ABCB5: variants seen among roughly 807,000 people sequenced by gnomAD.
The protein encoded by ABCB5 is ATP binding cassette subfamily B member 5.
A neutral mutation model predicts 144.2 loss-of-function variants in ABCB5; 155 were observed. The observed-to-expected ratio is 1.08, with a 90% CI of 0.94 to 1.23. ABCB5 has a LOEUF of 1.23. Among genes scored for constraint, ABCB5 ranks in the 50% most tolerant of loss-of-function variants. The pLI is 0.00. For synonymous variants in ABCB5, 610 were observed against 528.6 expected, an observed-to-expected ratio of 1.15 and a Z score of -2.11; for missense variants, 1,830 against 1,520.8, an observed-to-expected ratio of 1.20 and a Z score of -3.38.
intron 15 of ABCB5, among the ~76,000 whole-genome samples, chr7:20,682,564 C>T (rs1228372424): frequency 6.6e-6 from 1 of 152,236 alleles, no homozygotes; most frequent in Non-Finnish European, 1.5e-5. Context: ...TCCTTAAGTA[C>T]TTATGAGTGT....
chr7:20,676,120 A>G (rs928574861), intron 14 of ABCB5, among the ~76,000 whole-genome samples: 1 of 151,872 alleles, frequency 6.6e-6, no homozygotes, highest in Non-Finnish European at 1.5e-5. Context: ...GGTTCCAGAA[A>G]TAATTAAAAA....
chr7:20,675,623 CA>C (rs1785575631), intron 14 of ABCB5, among the ~76,000 whole-genome samples: 1 of 151,332 alleles, frequency 6.6e-6, no homozygotes, highest in African/African-American at 2.4e-5. Context: ...GATATGATGC[CA>C]AAAACACAAA....
At chr7:20,691,910 A>C (rs1786244631) in intron 16 of ABCB5, among the ~76,000 whole-genome samples, 1 of 152,120 alleles carries the variant, frequency 6.6e-6, no homozygotes, top group Non-Finnish European at 1.5e-5. Flanking sequence ...CCAGGCAAGC[A>C]AAAAAGGAGA....
At chr7:20,715,557 C>T (rs1053037776) in intron 20 of ABCB5, among the ~76,000 whole-genome samples, 3 of 151,780 alleles carry the variant, frequency 2.0e-5, no homozygotes, top group Admixed American at 2.0e-4. Context: ...ACCAGGTGCA[C>T]GCCACTGTGC....
At chr7:20,675,122 T>C (rs1331760398) in intron 14 of ABCB5, among the ~76,000 whole-genome samples, 2 of 151,920 alleles carry the variant, frequency 1.3e-5, no homozygotes, top group African/African-American at 4.8e-5. Context: ...CAATGGCATA[T>C]TTTACAGAAA....
At chr7:20,644,474 C>G (rs962498417) in intron 7 of ABCB5, among the ~76,000 whole-genome samples, 1 of 152,156 alleles carries the variant, frequency 6.6e-6, no homozygotes, top group African/African-American at 2.4e-5. Flanking sequence ...GTTTTTTAAA[C>G]AAATTATGTA....
chr7:20,738,956 A>C, intron 23 of ABCB5, 27 bp from the exon 24 acceptor site: 1 of 1,554,416 alleles, frequency 6.4e-7, no homozygotes, highest in East Asian at 2.3e-5. Flanking sequence ...GATGGACCTA[A>C]GATTCAAATG....
Position 20,650,213 on chromosome 7 carries a change from C to A in ABCB5, c.1332+66C>A, listed in dbSNP as rs940193488. 1.9e-6 allele frequency: 3 copies of A among 1,566,016 alleles called. No individual in the cohort carries two copies. The African/African-American group carries it at 4.1e-5, about 21-fold the overall frequency. ...GAATCTGGAAACACCGCAGGGCTGG[C>A]AGCTCTGTAACTTTTCATTTTCAAC... On this transcript the variant is annotated intron_variant, in intron 12 of 27. Transcript: ENST00000404938.
At chr7:20,739,412 G>A (rs761983653) in intron 24 of ABCB5, among the ~76,000 whole-genome samples, 36 of 152,010 alleles carry the variant, frequency 2.4e-4, no homozygotes, top group Non-Finnish European at 4.7e-4. Context: ...AAAAATAAAT[G>A]TCCACTTATT....
At chr7:20,687,083 G>T (rs1240931015) in intron 16 of ABCB5, among the ~76,000 whole-genome samples, 1 of 152,016 alleles carries the variant, frequency 6.6e-6, no homozygotes, top group African/African-American at 2.4e-5. Flanking sequence ...GGTATAGATG[G>T]TATACCATAT....
chr7:20,751,391 A>G (rs908100157), intron 26 of ABCB5, among the ~76,000 whole-genome samples: 6 of 152,200 alleles, frequency 3.9e-5, no homozygotes, highest in Non-Finnish European at 8.8e-5. Context: ...GAATGGCGTG[A>G]ACCCGGGAAG....
chr7:20,702,750 C>T (rs962169935), intron 19 of ABCB5, among the ~76,000 whole-genome samples: 3 of 151,050 alleles, frequency 2.0e-5, no homozygotes, highest in African/African-American at 7.3e-5. Context: ...CAAGCTCCGC[C>T]TCCAGGGTTC....
intron 20 of ABCB5, among the ~76,000 whole-genome samples, chr7:20,706,059 A>G (rs553735402): frequency 5.3e-5 from 8 of 152,332 alleles, no homozygotes; most frequent in Non-Finnish European, 1.2e-4. Context: ...TTTAGATTCT[A>G]AAATAGGGCT....
chr7:20,641,405 A>G (rs772135693), intron 5 of ABCB5, among the ~76,000 whole-genome samples: 1 of 152,088 alleles, frequency 6.6e-6, no homozygotes, highest in Non-Finnish European at 1.5e-5. Context: ...GTGCACCTGT[A>G]GTCCCAGCGT....
chr7:20,637,685 G>A (rs145913881), intron 5 of ABCB5, among the ~76,000 whole-genome samples: 1 of 152,108 alleles, frequency 6.6e-6, no homozygotes, highest in South Asian at 2.1e-4. Flanking sequence ...CTCCCAAAGT[G>A]CTAGGATTAT....
intron 23 of ABCB5, among the ~76,000 whole-genome samples, chr7:20,735,542 AC>A (rs982193747): frequency 3.3e-5 from 5 of 152,226 alleles, no homozygotes; most frequent in Non-Finnish European, 7.3e-5. Context: ...CATGGCAGCC[AC>A]CTAGCTCTTG....
At chr7:20,645,717 A>T in intron 7 of ABCB5, 39 bp from the exon 8 acceptor site, 1 of 1,611,136 alleles carries the variant, frequency 6.2e-7, no homozygotes, top group African/African-American at 1.3e-5. Flanking sequence ...TTATTACTAC[A>T]CAGAGTCATT....
chr7:20,755,423 C>A lies in ABCB5; in HGVS notation c.3577-4C>A. ...TGGTGATCACAGGTCTTTCTCTCTTCCAGGTGGTTCAGCATGCCCTTGATA... is the reference window on the plus strand; with the variant it reads ...TGGTGATCACAGGTCTTTCTCTCTTACAGGTGGTTCAGCATGCCCTTGATA... On this transcript the variant is annotated splice_region_variant and splice_polypyrimidine_tract_variant and intron_variant, in intron 27 of 27. Coordinates refer to ENST00000404938, the MANE Select transcript of ABCB5 (RefSeq NM_001163941.2). 1 of 1,613,902 alleles carries A rather than the reference C, an allele frequency of 6.2e-7. No homozygotes were observed.
rs775236941 is a variant in ABCB5 at position 20,676,161 on chromosome 7, T to TACACAC, written c.1708-5339_1708-5338insCACACA. ...TTACCATGTGACCCAGCAATTCTAC[T>TACACAC]ACACATACACACACACACACACACA... On this transcript the variant is annotated intron_variant, in intron 14 of 27. Coordinates refer to ENST00000404938, the MANE Select transcript of ABCB5 (RefSeq NM_001163941.2). 6.3e-5 allele frequency among the ~76,000 whole-genome samples: 6 copies of TACACAC among 95,858 alleles called. No homozygotes were observed. In the South Asian group the frequency reaches 1.4e-3, roughly 22 times the overall value. 62.9% of individuals were successfully genotyped at this position (95,858 alleles called of 152,430 possible).
Sources: gnomAD v4.1 joint callset for allele counts (sites outside exome capture counted in the v4.1 genomes callset) on GRCh38, gnomAD v4.1.1 for gene constraint, MANE v1.5 for transcripts, NCBI Gene and HGNC (gene_info 2026-07-23, HGNC 2026-07-21) for gene names.